PTPRD: variants seen among roughly 807,000 people sequenced by gnomAD.
The protein encoded by PTPRD is receptor-type tyrosine-protein phosphatase delta.
In PTPRD, 34 loss-of-function variants were observed where a neutral mutation model predicts 214.5. The ratio of observed to expected loss-of-function variants is 0.16; its 90% CI spans 0.12 to 0.21. PTPRD has a LOEUF of 0.21. Among genes scored for constraint, PTPRD ranks in the 10% least tolerant of loss-of-function variants. The pLI is 1.00. For synonymous variants in PTPRD, 1,128 were observed against 845.7 expected, an observed-to-expected ratio of 1.33 and a Z score of -5.79; for missense variants, 2,545 against 2,398.7, an observed-to-expected ratio of 1.06 and a Z score of -1.27.
intron 14 of PTPRD, among the ~76,000 whole-genome samples, chr9:8,559,883 C>G (rs2085473368): frequency 6.6e-6 from 1 of 152,220 alleles, no homozygotes; most frequent in Admixed American, 6.5e-5. Context: ...AGGTGTTTCT[C>G]TCTACCTAGA....
chr9:10,174,039 G>C (rs2099229667), intron 3 of PTPRD, among the ~76,000 whole-genome samples: 1 of 152,128 alleles, frequency 6.6e-6, no homozygotes, highest in Non-Finnish European at 1.5e-5. Context: ...CTCTATGTCT[G>C]AGCAGTAATG....
rs184264734 is a variant in PTPRD, at chr9:10,208,264, C to G, written c.-545+132699G>C. 1.6e-4 allele frequency among the ~76,000 whole-genome samples: 24 copies of G among 152,322 alleles called. No homozygotes were observed. The East Asian group carries it at 4.4e-3, about 28-fold the overall frequency. Reference sequence around the variant, plus strand: ...GCGCGGTGGCTCAGGCCCGTAATCCCAGCACTTTGGGTGGCCGAGGAGGGC... The same window carrying G: ...GCGCGGTGGCTCAGGCCCGTAATCCGAGCACTTTGGGTGGCCGAGGAGGGC... On this transcript the variant is annotated intron_variant, in intron 3 of 45. Coordinates refer to ENST00000381196, the MANE Select transcript of PTPRD (RefSeq NM_002839.4).
In PTPRD at chr9:8,776,475, G is replaced by C. The variant is rs1019671671; in HGVS notation, c.-103-42529C>G. Among the ~76,000 whole-genome samples, 9 of 151,696 alleles carry C rather than the reference G, an allele frequency of 5.9e-5. No individual in the cohort carries two copies. In the East Asian group the frequency reaches 1.8e-3, roughly 30 times the overall value. Reference sequence around the variant, plus strand: ...CACTACAATGTCCAGCTAATTTTTGGTTAGTAAAGATGGGATTTCGTCATG... The same window carrying C: ...CACTACAATGTCCAGCTAATTTTTGCTTAGTAAAGATGGGATTTCGTCATG... On this transcript the variant is annotated intron_variant, in intron 11 of 45. Coordinates refer to ENST00000381196, the MANE Select transcript of PTPRD (RefSeq NM_002839.4).
At chr9:8,769,778 C>A (rs2095056208) in intron 11 of PTPRD, among the ~76,000 whole-genome samples, 1 of 150,100 alleles carries the variant, frequency 6.7e-6, no homozygotes, top group Admixed American at 6.6e-5. Flanking sequence ...AGAGTTTTTG[C>A]TTGTAAATAG....
chr9:9,759,068 C>G (rs1299663303), intron 6 of PTPRD, among the ~76,000 whole-genome samples: 1 of 152,018 alleles, frequency 6.6e-6, no homozygotes, highest in Non-Finnish European at 1.5e-5. Context: ...TTTTATCAAA[C>G]CAATTTTGAT....
chr9:9,042,054 A>G (rs1231377644), intron 10 of PTPRD, among the ~76,000 whole-genome samples: 2 of 152,138 alleles, frequency 1.3e-5, no homozygotes, highest in Admixed American at 1.3e-4. Context: ...CCTTTAACTG[A>G]ACTATGCATG....
chr9:9,041,990 T>G (rs2099641348), intron 10 of PTPRD, among the ~76,000 whole-genome samples: 1 of 152,188 alleles, frequency 6.6e-6, no homozygotes, highest in African/African-American at 2.4e-5. Context: ...AGGGTGATGA[T>G]GTGACATAAA....
At chr9:10,336,314 G>C (rs1179606626) in intron 3 of PTPRD, among the ~76,000 whole-genome samples, 1 of 151,580 alleles carries the variant, frequency 6.6e-6, no homozygotes, top group East Asian at 2.0e-4. Context: ...CAGAATTTGG[G>C]TGGAAGAGAA....
intron 7 of PTPRD, among the ~76,000 whole-genome samples, chr9:9,642,131 T>C (rs557477317): frequency 2.7e-5 from 4 of 147,264 alleles, no homozygotes; most frequent in East Asian, 2.0e-4. Context: ...TGGATGAAAT[T>C]GGAAATCATC....
At chr9:8,771,163 A>G (rs1475021823) in intron 11 of PTPRD, among the ~76,000 whole-genome samples, 1 of 136,822 alleles carries the variant, frequency 7.3e-6, no homozygotes. Flanking sequence ...CCTGGGCGAC[A>G]GAGCAAGATT....
chr9:9,840,215 T>A (rs2057947795), intron 5 of PTPRD, among the ~76,000 whole-genome samples: 1 of 151,934 alleles, frequency 6.6e-6, no homozygotes, highest in South Asian at 2.1e-4. Flanking sequence ...TTTTTGCATT[T>A]TTTGTAGAGA....
chr9:9,583,410 A>G (rs2091267872), intron 7 of PTPRD, among the ~76,000 whole-genome samples: 1 of 152,082 alleles, frequency 6.6e-6, no homozygotes, highest in African/African-American at 2.4e-5. Flanking sequence ...AAAGATTGAC[A>G]ACAATAACCT....
At chr9:10,188,681 T>C (rs2099348848) in intron 3 of PTPRD, among the ~76,000 whole-genome samples, 1 of 152,134 alleles carries the variant, frequency 6.6e-6, no homozygotes, top group South Asian at 2.1e-4. Flanking sequence ...TGGGTGTGCA[T>C]GAGCATTCAC....
chr9:9,031,994 A>G (rs1319856089), intron 10 of PTPRD, among the ~76,000 whole-genome samples: 1 of 151,220 alleles, frequency 6.6e-6, no homozygotes, highest in Non-Finnish European at 1.5e-5. Context: ...ATGTCTGGTT[A>G]GGTTTTATTT....
chr9:9,893,598 C>G (rs1332472453), intron 5 of PTPRD, among the ~76,000 whole-genome samples: 2 of 151,976 alleles, frequency 1.3e-5, no homozygotes, highest in South Asian at 2.1e-4. Context: ...ATTGAATAAC[C>G]AAGCTTCTTT....
intron 2 of PTPRD, among the ~76,000 whole-genome samples, chr9:10,412,633 A>AACACACACACAC (rs150312961): frequency 3.4e-5 from 5 of 147,754 alleles, no homozygotes; most frequent in Non-Finnish European, 7.5e-5. Context: ...CACACACACA[A>AACACACACACAC]ACACACACAC....
At chr9:8,969,059 G>C (rs1330736576) in intron 11 of PTPRD, among the ~76,000 whole-genome samples, 1 of 151,870 alleles carries the variant, frequency 6.6e-6, no homozygotes, top group East Asian at 1.9e-4. Flanking sequence ...AAACATAATG[G>C]ACATTTAATA....
intron 14 of PTPRD, among the ~76,000 whole-genome samples, chr9:8,565,360 T>C (rs1453279588): frequency 1.3e-5 from 2 of 152,240 alleles, no homozygotes; most frequent in African/African-American, 4.8e-5. Flanking sequence ...GAACCATATT[T>C]GGTTGCTTAA....
At chr9:8,983,947 C>G (rs183994685) in intron 11 of PTPRD, among the ~76,000 whole-genome samples, 35 of 152,152 alleles carry the variant, frequency 2.3e-4, no homozygotes, top group African/African-American at 8.2e-4. Context: ...GAGTCATACA[C>G]TCAGATCAAA....
Sources: gnomAD v4.1 joint callset for allele counts (sites outside exome capture counted in the v4.1 genomes callset) on GRCh38, gnomAD v4.1.1 for gene constraint, MANE v1.5 for transcripts, NCBI Gene and HGNC (gene_info 2026-07-23, HGNC 2026-07-21) for gene names.